RAB35: variants seen among roughly 807,000 people sequenced by gnomAD.
The protein encoded by RAB35 is ras-related protein Rab-35.
Under a neutral mutation model 28.9 loss-of-function variants are expected in RAB35, and 4 were observed. The observed-to-expected ratio is 0.14, with a 90% CI of 0.07 to 0.32. The LOEUF is 0.32. Ranked by LOEUF, RAB35 falls within the 10% of genes least tolerant of loss-of-function variation. The pLI, the probability that RAB35 is intolerant of heterozygous loss-of-function variation, is 1.00. For missense variants in RAB35, 128 were observed against 274.0 expected, an observed-to-expected ratio of 0.47 and a Z score of 3.76; for synonymous variants, 99 against 105.1, an observed-to-expected ratio of 0.94 and a Z score of 0.35.
intron 5 of RAB35, among the ~76,000 whole-genome samples, chr12:120,097,940 G>C (rs147346567): frequency 0.047 from 6,972 of 147,680 alleles, 342 homozygotes; most frequent in African/African-American, 0.12. Flanking sequence ...CTGGAGTGCA[G>C]TGGCGTGATC....
intron 5 of RAB35, 148 bp downstream of exon 5, chr12:120,098,663 G>C (rs765345416): frequency 2.3e-5 from 26 of 1,115,384 alleles, no homozygotes; most frequent in Non-Finnish European, 3.3e-5. Context: ...AACTAAGATC[G>C]TTAAAGGGCC....
chr12:120,111,993 T>G (rs1349439747), intron 1 of RAB35, among the ~76,000 whole-genome samples: 1 of 151,568 alleles, frequency 6.6e-6, no homozygotes, highest in Non-Finnish European at 1.5e-5. Context: ...CTTTTTTTTT[T>G]TTTTTTAAAT....
chr12:120,099,957 G>A (rs1020338597), intron 3 of RAB35, among the ~76,000 whole-genome samples: 2 of 152,198 alleles, frequency 1.3e-5, no homozygotes, highest in African/African-American at 4.8e-5. Context: ...CCCACACTGT[G>A]CAATCAGCCA....
At chr12:120,104,657 G>T (rs528686475) in intron 2 of RAB35, among the ~76,000 whole-genome samples, 2 of 151,602 alleles carry the variant, frequency 1.3e-5, no homozygotes, top group Non-Finnish European at 1.5e-5. Flanking sequence ...TTTTTTGGTG[G>T]GGGGGGGACA....
chr12:120,098,822 T>G lies in RAB35; in HGVS notation c.466A>C (p.Asn156His). The change falls in exon 5 of 6, where the codon AAC becomes CAC. Residue 156 changes from asparagine (N) to histidine (H), a missense_variant. Asn to His is a moderately conservative substitution (Grantham distance 68). Coordinates refer to ENST00000229340, the MANE Select transcript of RAB35 (RefSeq NM_006861.7). ...LFETSAKENV[N>H]VEEMFNCITE... ...GCCCAGGGCCTCACCTCTTCCACGT[T>G]GACATTCTCCTTGGCGCTGGTCTCG... 1 of 1,614,204 alleles carries G rather than the reference T, an allele frequency of 6.2e-7. No homozygotes were observed. Among genetic ancestry groups the G allele is most frequent in the Non-Finnish European group, 8.5e-7 (1 of 1,180,024 alleles).
intron 5 of RAB35, 125 bp from the exon 6 acceptor site, chr12:120,097,498 T>A: frequency 1.4e-6 from 1 of 699,596 alleles, no homozygotes; most frequent in Non-Finnish European, 2.4e-6. Flanking sequence ...GGTATGTATG[T>A]CTTCAAAGCC....
intron 1 of RAB35, among the ~76,000 whole-genome samples, chr12:120,109,835 C>G (rs1876042534): frequency 6.6e-6 from 1 of 152,070 alleles, no homozygotes; most frequent in African/African-American, 2.4e-5. Context: ...ACAGTGCTTT[C>G]AGCCTGCCAA....
chr12:120,115,940 G>T (rs1876312109), intron 1 of RAB35, among the ~76,000 whole-genome samples: 1 of 152,182 alleles, frequency 6.6e-6, no homozygotes, highest in Non-Finnish European at 1.5e-5. Context: ...TACAGATGAG[G>T]AAACTGAACC....
In RAB35 at chr12:120,113,909, C is replaced by T. The variant is rs962671477; in HGVS notation, c.52+2690G>A. Among the ~76,000 whole-genome samples, 79 of 152,220 alleles carry T rather than the reference C, an allele frequency of 5.2e-4. 2 individuals carry two copies. Among genetic ancestry groups the T allele is most frequent in the Admixed American group, 4.4e-3 (68 of 15,292 alleles). ...AGGGAATCCATTGCAGAAGCATCCA[C>T]AATGTGCAGAGTGGGCAGAACTCTA... On this transcript the variant is annotated intron_variant, in intron 1 of 5. Coordinates refer to ENST00000229340, the MANE Select transcript of RAB35 (RefSeq NM_006861.7).
In RAB35 at chr12:120,096,648, A is replaced by G; in HGVS notation, c.*597T>C. On this transcript the variant is annotated 3_prime_UTR_variant, in exon 6 of 6. Transcript: ENST00000229340. ...TGAGACCAGGTTCCCCAGCTCCCAG[A>G]ATGGCTGTGGGGACAGGACAACGGG... 7.8e-7 allele frequency: 1 copy of G among 1,289,858 alleles called. No individual in the cohort carries two copies. The highest frequency in any genetic ancestry group is 1.0e-6 in the Non-Finnish European group (1 of 988,886). 79.9% of individuals were successfully genotyped at this position (1,289,858 alleles called of 1,614,324 possible).
At chr12:120,102,007 G>T (rs1440440528) in intron 3 of RAB35, among the ~76,000 whole-genome samples, 1 of 152,104 alleles carries the variant, frequency 6.6e-6, no homozygotes, top group Non-Finnish European at 1.5e-5. Context: ...TCATGGCCAC[G>T]GGCCTCTGAA....
chr12:120,098,150 C>T (rs78499066), intron 5 of RAB35, among the ~76,000 whole-genome samples: 1,882 of 152,338 alleles, frequency 0.012, 38 homozygotes, highest in East Asian at 0.047. Flanking sequence ...TCCCAAAGCA[C>T]TGAGATTACA....
chr12:120,102,335 G>A (rs1223595292), intron 3 of RAB35, among the ~76,000 whole-genome samples: 2 of 152,194 alleles, frequency 1.3e-5, no homozygotes, highest in East Asian at 1.9e-4. Context: ...GGCTTGCCTC[G>A]CCTGGGCCTG....
Position 120,103,834 on chromosome 12 carries a change from G to A in RAB35, c.219C>T (p.Ile73=), listed in dbSNP as rs1594240379. The A allele has an allele frequency of 6.2e-7, 1 of 1,614,014 alleles. No homozygotes were observed. The highest frequency in any genetic ancestry group is 2.2e-5 in the East Asian group (1 of 44,876). Residue 73 remains isoleucine (I), a synonymous_variant, in exon 3 of 6, where the codon ATC becomes ATT. Coordinates refer to ENST00000229340, the MANE Select transcript of RAB35 (RefSeq NM_006861.7). The surrounding 1 kb of genome is among the most constrained non-coding windows in gnomAD (Gnocchi z 6.1). Reference sequence around the variant, plus strand: ...TGGGCGTGTGGACTCACGTGGAGGTGATGGTGCGGAAGCGCTCCTGCCCCG... The same window carrying A: ...TGGGCGTGTGGACTCACGTGGAGGTAATGGTGCGGAAGCGCTCCTGCCCCG... The part of the protein sequence containing the change: ...DTAGQERFRT[I]TSTYYRGTHG...
chr12:120,096,655 G>C lies in RAB35; in HGVS notation c.*590C>G. The C allele has an allele frequency of 7.8e-7, 1 of 1,289,900 alleles. No individual in the cohort carries two copies. The highest frequency in any genetic ancestry group is 1.2e-5 in the South Asian group (1 of 81,036). 79.9% of individuals were successfully genotyped at this position (1,289,900 alleles called of 1,614,324 possible). On this transcript the variant is annotated 3_prime_UTR_variant, in exon 6 of 6. Transcript: ENST00000229340. ...AGGTTCCCCAGCTCCCAGAATGGCT[G>C]TGGGGACAGGACAACGGGGAGGGAA...
intron 5 of RAB35, among the ~76,000 whole-genome samples, chr12:120,098,175 C>T (rs1056486139): frequency 3.3e-5 from 5 of 152,250 alleles, no homozygotes; most frequent in South Asian, 2.1e-4. Flanking sequence ...TGAGCCGGCG[C>T]GCCCGGCCCA....
rs955863800 is a variant in RAB35, at chr12:120,097,134, G to A, written c.*111C>T. On this transcript the variant is annotated 3_prime_UTR_variant, in exon 6 of 6. Transcript: ENST00000229340. ...GCACCTCCCGATACAAAAACATGGA[G>A]AGAATTCTTTAAATAACGGCACGAA... The A allele has an allele frequency of 1.0e-5, 16 of 1,607,880 alleles. No individual in the cohort carries two copies. Among genetic ancestry groups the A allele is most frequent in the African/African-American group, 1.3e-5 (1 of 74,838 alleles).
At chr12:120,100,909 C>T (rs1014559537) in intron 3 of RAB35, among the ~76,000 whole-genome samples, 2 of 152,196 alleles carry the variant, frequency 1.3e-5, no homozygotes, top group African/African-American at 4.8e-5. Flanking sequence ...GCGACTGTCC[C>T]CTGCCAGCAG....
chr12:120,106,780 A>G (rs1361178759), intron 2 of RAB35, among the ~76,000 whole-genome samples: 2 of 151,586 alleles, frequency 1.3e-5, no homozygotes, highest in Non-Finnish European at 2.9e-5. Context: ...GTAGAGACAG[A>G]GTTTCACCAT....
Sources: allele counts gnomAD v4.1 joint callset (sites outside exome capture counted in the v4.1 genomes callset), GRCh38; gene constraint gnomAD v4.1.1; non-coding constraint Gnocchi (gnomAD v3.1); transcripts MANE v1.5; gene names NCBI Gene and HGNC (gene_info 2026-07-23, HGNC 2026-07-21).